Variants in SGPL1 observed in about 807,000 individuals in gnomAD.
The protein encoded by SGPL1 is sphingosine-1-phosphate lyase 1.
Under a neutral mutation model 68.9 loss-of-function variants are expected in SGPL1, and 37 were observed. The ratio of observed to expected loss-of-function variants is 0.54; its 90% CI spans 0.41 to 0.71. The LOEUF is 0.71. Among genes scored for constraint, SGPL1 ranks in the 30% least tolerant of loss-of-function variants. SGPL1 has a pLI of 0.00. For missense variants in SGPL1, 551 were observed against 704.6 expected (o/e 0.78, Z 2.47); for synonymous variants, 236 against 248.5 (o/e 0.95, Z 0.47).
At chr10:70,819,102 T>C (rs1845290849) in intron 2 of SGPL1, among the ~76,000 whole-genome samples, 1 of 152,224 alleles carries the variant, frequency 6.6e-6, no homozygotes. Flanking sequence ...AGAGATATGG[T>C]TATTACTTAT....
chr10:70,868,720 T>G (rs2131936926), intron 8 of SGPL1, among the ~76,000 whole-genome samples: 1 of 152,192 alleles, frequency 6.6e-6, no homozygotes, highest in African/African-American at 2.4e-5. Flanking sequence ...AAGTGAGAGT[T>G]TGAGGACTAC....
At chr10:70,837,275 C>G (rs1017942606) in intron 2 of SGPL1, among the ~76,000 whole-genome samples, 2 of 151,474 alleles carry the variant, frequency 1.3e-5, no homozygotes, top group African/African-American at 4.9e-5. Flanking sequence ...ACAGGGTTTC[C>G]CCATGTTAGC....
intron 2 of SGPL1, among the ~76,000 whole-genome samples, chr10:70,833,763 T>C (rs1343248293): frequency 6.6e-6 from 1 of 152,208 alleles, no homozygotes; most frequent in Non-Finnish European, 1.5e-5. Context: ...TAGAGTAACA[T>C]TTGAACTGGG....
At chr10:70,863,492 T>C (rs925761204) in intron 7 of SGPL1, among the ~76,000 whole-genome samples, 3 of 152,090 alleles carry the variant, frequency 2.0e-5, no homozygotes, top group African/African-American at 7.2e-5. Flanking sequence ...TTATTTTATT[T>C]ATTTATTTTT....
intron 2 of SGPL1, among the ~76,000 whole-genome samples, chr10:70,826,414 G>A (rs780491924): frequency 2.0e-5 from 3 of 152,192 alleles, no homozygotes; most frequent in Non-Finnish European, 4.4e-5. Context: ...CAGGGTAGCT[G>A]CCTGGGGTTC....
chr10:70,863,735 TTG>T (rs1226049385), intron 7 of SGPL1, among the ~76,000 whole-genome samples: 1 of 152,240 alleles, frequency 6.6e-6, no homozygotes, highest in Non-Finnish European at 1.5e-5. Flanking sequence ...TTACACATTC[TTG>T]AAAGATTGCT....
chr10:70,860,234 A>G (rs1450845388), intron 7 of SGPL1, among the ~76,000 whole-genome samples: 2 of 152,192 alleles, frequency 1.3e-5, no homozygotes, highest in African/African-American at 4.8e-5. Context: ...CAGGTTATGT[A>G]GGATAGATAG....
chr10:70,829,897 G>A (rs186917809), intron 2 of SGPL1, among the ~76,000 whole-genome samples: 1 of 152,134 alleles, frequency 6.6e-6, no homozygotes, highest in East Asian at 1.9e-4. Flanking sequence ...GGAATTGCTG[G>A]ATAAAAAAAT....
chr10:70,844,604 A>C lies in SGPL1; in HGVS notation c.159A>C (p.Ile53=), dbSNP rs778339794. The change falls in exon 3 of 15, where the codon ATA becomes ATC. Residue 53 remains isoleucine (I), a synonymous_variant. Coordinates refer to ENST00000373202, the MANE Select transcript of SGPL1 (RefSeq NM_003901.4). ...IAWSVVWTLL[I]VWGYEFVFQP... ...GGAGTGTCGTGTGGACCCTGCTGAT[A>C]GTCTGGGGATATGAGTTTGTCTTCC... 6.2e-7 allele frequency: 1 copy of C among 1,614,074 alleles called. No homozygotes were observed. The highest frequency in any genetic ancestry group is 8.5e-7 in the Non-Finnish European group (1 of 1,179,988).
intron 14 of SGPL1, among the ~76,000 whole-genome samples, 190 bp downstream of exon 14, chr10:70,876,851 A>G (rs1846398751): frequency 6.6e-6 from 1 of 152,246 alleles, no homozygotes; most frequent in African/African-American, 2.4e-5. Flanking sequence ...CAAATGAGAT[A>G]CACTATAAAG....
At chr10:70,849,072 T>C (rs2131893277) in intron 3 of SGPL1, among the ~76,000 whole-genome samples, 1 of 152,352 alleles carries the variant, frequency 6.6e-6, no homozygotes, top group East Asian at 1.9e-4. Context: ...TCCGTTCTTT[T>C]TACCCTGTAC....
intron 10 of SGPL1, 71 bp downstream of exon 10, chr10:70,871,217 T>G: frequency 1.9e-6 from 2 of 1,051,452 alleles, no homozygotes; most frequent in Non-Finnish European, 2.8e-6. Context: ...GGGGCAGTAC[T>G]TGGCAAATAG....
At chr10:70,827,090 A>G (rs1046513654) in intron 2 of SGPL1, among the ~76,000 whole-genome samples, 1 of 152,242 alleles carries the variant, frequency 6.6e-6, no homozygotes. Context: ...GCCTAACTTC[A>G]CTAGATATTG....
chr10:70,876,493 A>G (rs1846388291), intron 13 of SGPL1, 48 bp from the exon 14 acceptor site: 1 of 1,554,498 alleles, frequency 6.4e-7, no homozygotes, highest in Admixed American at 2.0e-5. Context: ...ATTTTAGAAC[A>G]TTTTTTCTTT....
intron 4 of SGPL1, among the ~76,000 whole-genome samples, chr10:70,851,672 T>C (rs544998920): frequency 1.3e-5 from 2 of 152,214 alleles, no homozygotes; most frequent in African/African-American, 2.4e-5. Context: ...AGGAGTTGGG[T>C]GCTTACATGG....
chr10:70,817,232 T>G (rs1221627664), intron 2 of SGPL1, among the ~76,000 whole-genome samples: 1 of 152,190 alleles, frequency 6.6e-6, no homozygotes, highest in Non-Finnish European at 1.5e-5. Context: ...TTGGCCAGGC[T>G]GGCCTTGAAC....
intron 2 of SGPL1, among the ~76,000 whole-genome samples, chr10:70,818,423 C>T (rs560361664): frequency 6.6e-6 from 1 of 151,968 alleles, no homozygotes; most frequent in East Asian, 1.9e-4. Context: ...CGTGTCCAGC[C>T]AAGTTTGTTT....
intron 9 of SGPL1, 112 bp from the exon 10 acceptor site, chr10:70,870,936 G>A (rs991391083): frequency 1.3e-6 from 1 of 771,340 alleles, no homozygotes; most frequent in Admixed American, 2.0e-5. Context: ...TGAAGGAGGG[G>A]GTACTGGTGG....
chr10:70,828,368 C>T (rs574160308), intron 2 of SGPL1, among the ~76,000 whole-genome samples: 17 of 152,098 alleles, frequency 1.1e-4, no homozygotes, highest in Non-Finnish European at 2.4e-4. Context: ...GTTGCCCAGG[C>T]AGGAGTGCGG....
Sources: gnomAD v4.1 joint callset for allele counts (sites outside exome capture counted in the v4.1 genomes callset) on GRCh38, gnomAD v4.1.1 for gene constraint, MANE v1.5 for transcripts, NCBI Gene and HGNC (gene_info 2026-07-23, HGNC 2026-07-21) for gene names.